RAPGEF6: variants seen among roughly 807,000 people sequenced by gnomAD.
RAPGEF6 encodes the protein Rap guanine nucleotide exchange factor 6, also known as PDZ domain containing guanine nucleotide exchange factor (GEF) 2.
Under a neutral mutation model 171.4 loss-of-function variants are expected in RAPGEF6, and 56 were observed. The ratio of observed to expected loss-of-function variants is 0.33; its 90% CI spans 0.26 to 0.41. RAPGEF6 has a LOEUF of 0.41. Ranked by LOEUF, RAPGEF6 falls within the 10% of genes least tolerant of loss-of-function variation. The pLI, the probability that RAPGEF6 is intolerant of heterozygous loss-of-function variation, is 1.00. For missense variants in RAPGEF6, 1,674 were observed against 1,921.4 expected, an observed-to-expected ratio of 0.87 and a Z score of 2.41; for synonymous variants, 692 against 650.1, an observed-to-expected ratio of 1.06 and a Z score of -0.98.
chr5:131,604,613 C>T lies in RAPGEF6; in HGVS notation c.140+10G>A, dbSNP rs374658304. 1.5e-4 allele frequency: 244 copies of T among 1,609,880 alleles called. No individual in the cohort carries two copies. Among genetic ancestry groups the T allele is most frequent in the Middle Eastern group, 3.3e-4 (2 of 6,054 alleles). On this transcript the variant is annotated intron_variant, in intron 2 of 27. Coordinates refer to ENST00000509018, the MANE Select transcript of RAPGEF6 (RefSeq NM_016340.6). ...ACAGCGTGTGCTCTTAAATACAGAA[C>T]GACACTTACCTAAGCTGATGTTCCC...
chr5:131,606,880 A>G (rs111622386), intron 1 of RAPGEF6, among the ~76,000 whole-genome samples: 4 of 152,354 alleles, frequency 2.6e-5, no homozygotes, highest in African/African-American at 9.6e-5. Flanking sequence ...AGAGCAGCTT[A>G]GAGCTACCAA....
Position 131,448,770 on chromosome 5 carries a change from C to T in RAPGEF6, c.3201-2067G>A, listed in dbSNP as rs148725768. 3.1e-3 allele frequency among the ~76,000 whole-genome samples: 473 copies of T among 152,222 alleles called. 3 individuals carry two copies. The highest frequency in any genetic ancestry group is 0.011 in the African/African-American group (449 of 41,552). ...CAGTGTAACCCTAAAGCTGAATGAA[C>T]GTGAAACATGTTAACATAAGTCATT... On this transcript the variant is annotated intron_variant, in intron 21 of 27. Coordinates refer to ENST00000509018, the MANE Select transcript of RAPGEF6 (RefSeq NM_016340.6).
At chr5:131,617,976 A>G (rs2150030809) in intron 1 of RAPGEF6, among the ~76,000 whole-genome samples, 1 of 152,362 alleles carries the variant, frequency 6.6e-6, no homozygotes, top group East Asian at 1.9e-4. Context: ...ATTTACCACA[A>G]CTGGAGCCCA....
chr5:131,506,167 G>T (rs941216360), intron 9 of RAPGEF6, among the ~76,000 whole-genome samples: 2 of 152,120 alleles, frequency 1.3e-5, no homozygotes, highest in South Asian at 4.1e-4. Flanking sequence ...GAGAGATGGG[G>T]TCTTGCTCTG....
intron 6 of RAPGEF6, among the ~76,000 whole-genome samples, chr5:131,533,665 G>GA (rs978897928): frequency 2.0e-5 from 3 of 151,918 alleles, no homozygotes; most frequent in African/African-American, 4.8e-5. Flanking sequence ...AGGGAAGCTG[G>GA]AAAAAAATCA....
At chr5:131,571,332 G>A (rs1455670686) in intron 4 of RAPGEF6, among the ~76,000 whole-genome samples, 1 of 151,520 alleles carries the variant, frequency 6.6e-6, no homozygotes, top group Non-Finnish European at 1.5e-5. Context: ...AGTACAACAA[G>A]GAAAAAGAAA....
intron 1 of RAPGEF6, among the ~76,000 whole-genome samples, chr5:131,632,688 T>G (rs1272233336): frequency 6.6e-6 from 1 of 152,192 alleles, no homozygotes; most frequent in African/African-American, 2.4e-5. Context: ...GCTAATATAT[T>G]CATAATAGAC....
chr5:131,479,456 T>C (rs1264049399), intron 16 of RAPGEF6, 57 bp downstream of exon 16: 13 of 1,583,246 alleles, frequency 8.2e-6, no homozygotes, highest in Non-Finnish European at 1.1e-5. Flanking sequence ...CCACCCCAAA[T>C]AAAAACTTTA....
In RAPGEF6 at chr5:131,528,313, T is replaced by TATTATATATATATA. The variant is rs1251388931; in HGVS notation, c.496-6793_496-6792insTATATATATATAAT. The stretch of plus-strand genomic sequence containing the variant: ...AATAAAATAAAATAATATATTTATA[T>TATTATATATATATA]TATATATATATATATATATATATAT... On this transcript the variant is annotated intron_variant, in intron 6 of 27. Coordinates refer to ENST00000509018, the MANE Select transcript of RAPGEF6 (RefSeq NM_016340.6). Among the ~76,000 whole-genome samples the TATTATATATATATA allele has an allele frequency of 5.2e-3, 254 of 48,786 alleles. 12 individuals are homozygous for TATTATATATATATA. The highest frequency in any genetic ancestry group is 0.014 in the African/African-American group (200 of 13,922). 32.0% of individuals were successfully genotyped at this position (48,786 alleles called of 152,430 possible).
intron 25 of RAPGEF6, among the ~76,000 whole-genome samples, chr5:131,432,567 G>A (rs570298100): frequency 2.3e-4 from 35 of 152,062 alleles, no homozygotes; most frequent in African/African-American, 7.7e-4. Flanking sequence ...GCAGTGAGCC[G>A]AGATCGCGCC....
intron 24 of RAPGEF6, among the ~76,000 whole-genome samples, chr5:131,434,447 G>A (rs773449518): frequency 6.6e-6 from 1 of 152,068 alleles, no homozygotes; most frequent in Non-Finnish European, 1.5e-5. Context: ...TTATGTTGCC[G>A]AGGCTGGTCT....
intron 4 of RAPGEF6, among the ~76,000 whole-genome samples, chr5:131,564,915 T>C (rs997957417): frequency 6.6e-6 from 1 of 152,200 alleles, no homozygotes; most frequent in Non-Finnish European, 1.5e-5. Flanking sequence ...TCAGACAGTG[T>C]CAACTTGACC....
chr5:131,546,801 TAA>T (rs1302204666), intron 6 of RAPGEF6, among the ~76,000 whole-genome samples: 1 of 152,210 alleles, frequency 6.6e-6, no homozygotes, highest in Non-Finnish European at 1.5e-5. Flanking sequence ...TTTACATATT[TAA>T]GTTTTCAATA....
At chr5:131,461,596 CA>C (rs1753939015) in intron 19 of RAPGEF6, 108 bp downstream of exon 19, 2 of 1,025,560 alleles carry the variant, frequency 2.0e-6, no homozygotes, top group Admixed American at 6.0e-5. Context: ...TCAATAAAGG[CA>C]TATTAATTGA....
intron 26 of RAPGEF6, among the ~76,000 whole-genome samples, chr5:131,429,818 C>T (rs1055586843): frequency 1.3e-5 from 2 of 151,964 alleles, no homozygotes; most frequent in African/African-American, 2.4e-5. Flanking sequence ...CTTTGGAGGC[C>T]GAAGTGGGTG....
intron 4 of RAPGEF6, among the ~76,000 whole-genome samples, chr5:131,579,896 TG>T (rs967959450): frequency 1.2e-4 from 19 of 152,010 alleles, no homozygotes; most frequent in Non-Finnish European, 1.5e-5. Context: ...GAGTGCTGAT[TG>T]GTACATTTAC....
chr5:131,445,493 C>CTCTGTGTGTGTGTGTG lies in RAPGEF6; in HGVS notation c.3421+989_3421+990insCACACACACACACAGA, dbSNP rs1554070849. ...TTTATGGGCAAATTTAACTCACTCTCTGTGTGTGTGTGTGTGTGTGTGTGT... is the reference window on the plus strand; with the variant it reads ...TTTATGGGCAAATTTAACTCACTCTCTCTGTGTGTGTGTGTGTGTGTGTGTGTGTGTGTGTGTGTGT... On this transcript the variant is annotated intron_variant, in intron 22 of 27. Transcript: ENST00000509018. 4.1e-3 allele frequency among the ~76,000 whole-genome samples: 606 copies of CTCTGTGTGTGTGTGTG among 147,324 alleles called. 1 individual carries two copies. Among genetic ancestry groups the CTCTGTGTGTGTGTGTG allele is most frequent in the African/African-American group, 9.0e-3 (353 of 39,364 alleles).
At chr5:131,429,842 G>C (rs7729922) in intron 26 of RAPGEF6, among the ~76,000 whole-genome samples, 65,013 of 151,790 alleles carry the variant, frequency 0.43, 18,285 homozygotes, top group African/African-American at 0.8. Context: ...CACCTGAGGT[G>C]AGAAGTTTGA....
intron 3 of RAPGEF6, among the ~76,000 whole-genome samples, chr5:131,596,155 T>A (rs866244922): frequency 1.2e-3 from 154 of 127,016 alleles, no homozygotes; most frequent in South Asian, 1.5e-3. Context: ...CTCCATCATA[T>A]AAAAAAAAAA....
Sources: allele counts gnomAD v4.1 joint callset (sites outside exome capture counted in the v4.1 genomes callset), GRCh38; gene constraint gnomAD v4.1.1; transcripts MANE v1.5; gene names NCBI Gene and HGNC (gene_info 2026-07-23, HGNC 2026-07-21).